CLYBL: variants seen among roughly 807,000 people sequenced by gnomAD.
CLYBL encodes citramalyl-CoA lyase, mitochondrial.
In CLYBL, 31 loss-of-function variants were observed where a neutral mutation model predicts 38.9. That is an observed-to-expected ratio of 0.80 (90% CI 0.60 to 1.08). The LOEUF (loss-of-function observed/expected upper bound fraction) is 1.08. CLYBL is among the 50% of genes least tolerant of loss of function. CLYBL has a pLI of 0.00. For synonymous variants in CLYBL, 171 were observed against 158.6 expected, an observed-to-expected ratio of 1.08 and a Z score of -0.59; for missense variants, 434 against 411.6, an observed-to-expected ratio of 1.05 and a Z score of -0.47.
chr13:99,719,190 T>A (rs1014681776), intron 1 of CLYBL, among the ~76,000 whole-genome samples: 2 of 149,946 alleles, frequency 1.3e-5, no homozygotes, highest in African/African-American at 4.9e-5. Context: ...CTCTCTCTGT[T>A]ACCCAGGCTG....
At chr13:99,817,061 G>A (rs904664875) in intron 2 of CLYBL, among the ~76,000 whole-genome samples, 4 of 152,138 alleles carry the variant, frequency 2.6e-5, no homozygotes, top group Non-Finnish European at 2.9e-5. Context: ...TTTCTCAGCC[G>A]ATTCAGCTCT....
chr13:99,676,599 CTT>C (rs112196090), intron 1 of CLYBL, among the ~76,000 whole-genome samples: 1 of 134,994 alleles, frequency 7.4e-6, no homozygotes. Context: ...CTTCTTCATT[CTT>C]TTTTTTTTTG....
At chr13:99,730,720 G>A (rs2048573959) in intron 1 of CLYBL, among the ~76,000 whole-genome samples, 2 of 152,108 alleles carry the variant, frequency 1.3e-5, no homozygotes, top group African/African-American at 4.8e-5. Flanking sequence ...ACCAGGGAGG[G>A]AGCCCCAGAG....
chr13:99,705,227 A>G (rs1311761020), intron 1 of CLYBL, among the ~76,000 whole-genome samples: 1 of 151,728 alleles, frequency 6.6e-6, no homozygotes, highest in Admixed American at 6.6e-5. Flanking sequence ...GGGTAACTAC[A>G]ATGTGGTGTA....
chr13:99,904,863 G>A (rs1449374439), intron 8 of CLYBL, among the ~76,000 whole-genome samples: 1 of 152,170 alleles, frequency 6.6e-6, no homozygotes, highest in South Asian at 2.1e-4. Flanking sequence ...TCTCAAGAGA[G>A]CAAAAGAGGC....
intron 1 of CLYBL, among the ~76,000 whole-genome samples, chr13:99,643,874 C>G (rs1179046693): frequency 6.6e-6 from 1 of 151,684 alleles, no homozygotes; most frequent in Non-Finnish European, 1.5e-5. Flanking sequence ...GGAGTGGTGG[C>G]GGCGCCTGTA....
Position 99,891,381 on chromosome 13 carries a change from GT to G in CLYBL, c.993del (p.Thr332ArgfsTer53). On this transcript the variant is annotated frameshift_variant, in exon 8 of 9. Transcript: ENST00000339105. LOFTEE classifies it high-confidence loss of function. ...ATTACTGAAGCAGGCCCAGAACACTGTTACGCTTGCCACCTCCATCAAGGAA... is the reference window on the plus strand; with the variant it reads ...ATTACTGAAGCAGGCCCAGAACACTGTACGCTTGCCACCTCCATCAAGGAA... ...MPLLKQAQNTVTLATSIKEK is the reference protein window; with the variant it reads ...MPLLKQAQNTXTLATSIKEK 1 of 1,613,870 alleles carries G rather than the reference GT, an allele frequency of 6.2e-7. No individual in the cohort carries two copies. The highest frequency in any genetic ancestry group is 1.3e-5 in the African/African-American group (1 of 75,032).
chr13:99,688,645 A>G (rs1326350245), intron 1 of CLYBL, among the ~76,000 whole-genome samples: 1 of 151,954 alleles, frequency 6.6e-6, no homozygotes, highest in South Asian at 2.1e-4. Flanking sequence ...TTTAAGAATA[A>G]CAAGTGAACT....
chr13:99,663,140 T>G (rs764028314), intron 1 of CLYBL, among the ~76,000 whole-genome samples: 2 of 152,224 alleles, frequency 1.3e-5, no homozygotes, highest in Non-Finnish European at 2.9e-5. Flanking sequence ...GCACTTCTCT[T>G]AGCTCGTAGT....
chr13:99,697,171 A>T (rs2047992458), intron 1 of CLYBL, among the ~76,000 whole-genome samples: 1 of 152,096 alleles, frequency 6.6e-6, no homozygotes, highest in South Asian at 2.1e-4. Flanking sequence ...GAATTGTAGC[A>T]CTCTGCTTTC....
intron 1 of CLYBL, among the ~76,000 whole-genome samples, chr13:99,623,576 C>A (rs958056794): frequency 1.2e-4 from 18 of 152,050 alleles, no homozygotes; most frequent in East Asian, 3.9e-4. Flanking sequence ...TTTATTATTT[C>A]TTTATTTATT....
intron 1 of CLYBL, among the ~76,000 whole-genome samples, chr13:99,742,579 T>C (rs762080982): frequency 2.6e-5 from 4 of 152,208 alleles, no homozygotes; most frequent in Non-Finnish European, 5.9e-5. Context: ...TCTCAGCACT[T>C]TAAAATCCTT....
chr13:99,701,403 C>T (rs773238318), intron 1 of CLYBL, among the ~76,000 whole-genome samples: 2 of 152,204 alleles, frequency 1.3e-5, no homozygotes, highest in African/African-American at 4.8e-5. Context: ...CTCCGCCTCC[C>T]GGGTTCACAC....
At chr13:99,808,288 G>T (rs931971152) in intron 2 of CLYBL, among the ~76,000 whole-genome samples, 7 of 152,206 alleles carry the variant, frequency 4.6e-5, no homozygotes, top group South Asian at 2.1e-4. Flanking sequence ...GTACTGCTGT[G>T]TTGCCCAGAC....
chr13:99,696,936 A>T (rs2047988995), intron 1 of CLYBL, among the ~76,000 whole-genome samples: 1 of 152,254 alleles, frequency 6.6e-6, no homozygotes, highest in South Asian at 2.1e-4. Context: ...GTATTGTAAC[A>T]TACTGCATCT....
At chr13:99,715,445 C>T (rs540902207) in intron 1 of CLYBL, among the ~76,000 whole-genome samples, 3 of 147,734 alleles carry the variant, frequency 2.0e-5, no homozygotes, top group South Asian at 2.1e-4. Flanking sequence ...CAGTCTCACT[C>T]GGACTGGAGT....
intron 2 of CLYBL, among the ~76,000 whole-genome samples, chr13:99,820,250 C>T (rs1317053711): frequency 1.3e-5 from 2 of 152,166 alleles, no homozygotes; most frequent in Non-Finnish European, 2.9e-5. Context: ...ACATTGCACA[C>T]GGTCCGCCCA....
At chr13:99,746,092 T>C (rs1398008682) in intron 1 of CLYBL, among the ~76,000 whole-genome samples, 1 of 150,282 alleles carries the variant, frequency 6.7e-6, no homozygotes, top group African/African-American at 2.5e-5. Flanking sequence ...AGCCATTTTC[T>C]AGAAGAAAAA....
At chr13:99,721,013 C>T (rs2048384021) in intron 1 of CLYBL, among the ~76,000 whole-genome samples, 4 of 151,380 alleles carry the variant, frequency 2.6e-5, no homozygotes, top group Non-Finnish European at 4.4e-5. Context: ...ATGATTTCCC[C>T]GCATCCATTC....
Sources: gnomAD v4.1 joint callset for allele counts (sites outside exome capture counted in the v4.1 genomes callset) on GRCh38, gnomAD v4.1.1 for gene constraint, MANE v1.5 for transcripts, NCBI Gene and HGNC (gene_info 2026-07-23, HGNC 2026-07-21) for gene names.